Variants in CPNE7 observed in about 807,000 individuals in gnomAD.
CPNE7 encodes copine 7.
In CPNE7, 78 loss-of-function variants were observed where a neutral mutation model predicts 66.5. That is an observed-to-expected ratio of 1.17 (90% CI 0.98 to 1.42). The LOEUF is 1.42. Ranked by LOEUF, CPNE7 falls within the 40% of genes most tolerant of loss-of-function variation. The pLI is 0.00. For missense variants in CPNE7, 1,012 were observed against 776.6 expected, an observed-to-expected ratio of 1.30 and a Z score of -3.60; for synonymous variants, 468 against 336.7, an observed-to-expected ratio of 1.39 and a Z score of -4.27.
chr16:89,587,483 G>A, intron 9 of CPNE7: 1 of 446,312 alleles, frequency 2.2e-6, no homozygotes, highest in South Asian at 1.6e-5. Context: ...TTGGGGTTCA[G>A]GAAGCAGCCC....
intron 2 of CPNE7, among the ~76,000 whole-genome samples, chr16:89,581,316 C>T (rs404121): frequency 6.7e-5 from 10 of 149,602 alleles, no homozygotes; most frequent in East Asian, 2.0e-4. Flanking sequence ...ACCCATCACA[C>T]GGAACATCCC....
At position 89,596,687 on chromosome 16, in the gene CPNE7, C is replaced by T. The variant is rs545333457; in HGVS notation, c.*66C>T. 8.2e-6 allele frequency: 12 copies of T among 1,458,782 alleles called. No individual in the cohort carries two copies. The East Asian group carries it at 2.6e-4, about 31-fold the overall frequency. The allele number at this position is 1,458,782 out of a possible 1,614,324, so 90.4% of individuals were successfully genotyped here. On this transcript the variant is annotated 3_prime_UTR_variant, in exon 15 of 15. Coordinates refer to ENST00000319518, the MANE Select transcript of CPNE7 (RefSeq NM_153636.3). ...CCGTACAGCCTCTGTCTGCAACATGCTTGGGGTCCCTTAAGCTCCCTCCGA... is the reference window on the plus strand; with the variant it reads ...CCGTACAGCCTCTGTCTGCAACATGTTTGGGGTCCCTTAAGCTCCCTCCGA...
At chr16:89,587,013 G>A (rs372772651) in intron 8 of CPNE7, 30 bp from the exon 9 acceptor site, 47 of 1,567,268 alleles carry the variant, frequency 3.0e-5, no homozygotes, top group Non-Finnish European at 3.9e-5. Context: ...GTCCCTGGCG[G>A]GGGTGGACGC....
chr16:89,595,739 T>C (rs1433237036), intron 14 of CPNE7, 136 bp downstream of exon 14: 5 of 815,056 alleles, frequency 6.1e-6, no homozygotes, highest in African/African-American at 3.3e-5. Flanking sequence ...TCCTGGGCTG[T>C]TCCCCCCAGT....
At chr16:89,588,584 C>T (rs1597712630) in intron 9 of CPNE7, 91 bp from the exon 10 acceptor site, 5 of 1,544,452 alleles carry the variant, frequency 3.2e-6, no homozygotes, top group East Asian at 2.3e-5. Flanking sequence ...ACCCTGAGTC[C>T]TGGCCACTCT....
At chr16:89,585,342 G>C (rs1041621650) in intron 5 of CPNE7, 122 bp from the exon 6 acceptor site, 1 of 708,618 alleles carries the variant, frequency 1.4e-6, no homozygotes, top group South Asian at 1.7e-5. Flanking sequence ...CGCTGTCTGG[G>C]GTGATGCAGG....
intron 14 of CPNE7, 174 bp downstream of exon 14, chr16:89,595,777 T>C: frequency 1.4e-6 from 1 of 723,552 alleles, no homozygotes; most frequent in Non-Finnish European, 2.5e-6. Context: ...GCCAGGACTT[T>C]GAGCACCTGA....
rs559921302 is a variant in CPNE7 at position 89,577,652 on chromosome 16, G to T, written c.288G>T (p.Thr96=). 1 of 1,594,542 alleles carries T rather than the reference G, an allele frequency of 6.3e-7. No individual in the cohort carries two copies. The highest frequency in any genetic ancestry group is 8.5e-7 in the Non-Finnish European group (1 of 1,170,682). Reference sequence around the variant, plus strand: ...GGCTGCGCTTTGAGGTGTACGACACGCATGGGCCCAGCGGCTTCAGCTGTC... The same window carrying T: ...GGCTGCGCTTTGAGGTGTACGACACTCATGGGCCCAGCGGCTTCAGCTGTC... The part of the protein sequence containing the change: ...VQRLRFEVYD[T]HGPSGFSCQE... Residue 96 remains threonine (T), a synonymous_variant, in exon 2 of 15, where the codon ACG becomes ACT. Transcript: ENST00000319518.
intron 14 of CPNE7, chr16:89,595,997 G>A (rs144973987): frequency 1.7e-4 from 84 of 488,580 alleles, no homozygotes; most frequent in African/African-American, 1.5e-3. Context: ...CAGCACACAC[G>A]TGAGGTTCTA....
In CPNE7 at chr16:89,595,343, C is replaced by T. The variant is rs201097943; in HGVS notation, c.1303-24C>T. The T allele has an allele frequency of 3.0e-3, 4,668 of 1,541,700 alleles. 9 individuals carry two copies. The highest frequency in any genetic ancestry group is 5.8e-3 in the South Asian group (471 of 81,020). On this transcript the variant is annotated intron_variant, in intron 13 of 14. Coordinates refer to ENST00000319518, the MANE Select transcript of CPNE7 (RefSeq NM_153636.3). ...GTGGGCCATGGCAGGTGTGGTGTTG[C>T]TGATGCCTTTCCTGTGCCCCCAGCA...
At chr16:89,583,854 G>C (rs2058993982) in intron 3 of CPNE7, 83 bp downstream of exon 3, 3 of 1,531,484 alleles carry the variant, frequency 2.0e-6, no homozygotes, top group Admixed American at 3.6e-5. Context: ...ATGGGCAGCA[G>C]CGTGCCGTCC....
intron 13 of CPNE7, among the ~76,000 whole-genome samples, chr16:89,594,976 G>T (rs1398460682): frequency 6.6e-6 from 1 of 152,140 alleles, no homozygotes; most frequent in African/African-American, 2.4e-5. Context: ...TGGCAGCACA[G>T]CGGGCACCCT....
At chr16:89,585,392 C>T in intron 5 of CPNE7, 72 bp from the exon 6 acceptor site, 1 of 1,079,218 alleles carries the variant, frequency 9.3e-7, no homozygotes, top group Non-Finnish European at 1.4e-6. Flanking sequence ...TGCTCTTCCA[C>T]CCAGGTCTCT....
chr16:89,585,899 TGAG>T (rs1184844869), intron 7 of CPNE7, 114 bp downstream of exon 7: 1 of 40,750 alleles, frequency 2.5e-5, no homozygotes, highest in Non-Finnish European at 4.6e-5. Context: ...AAGTGTCAGG[TGAG>T]GAGGTGGGGG....
At position 89,581,001 on chromosome 16, in the gene CPNE7, TGTCACACGGAACATCCCGTCACCC is replaced by T. The variant is rs1567953511; in HGVS notation, c.358-2676_358-2653del. Among the ~76,000 whole-genome samples the T allele has an allele frequency of 4.1e-4, 46 of 110,936 alleles. 1 individual carries two copies. In the South Asian group the frequency reaches 0.013, roughly 33 times the overall value. 72.8% of individuals were successfully genotyped at this position (110,936 alleles called of 152,430 possible). A position where few individuals can be genotyped will look rare whatever the true frequency, so the allele number is the denominator to read the frequency against. ...CCATCACACGGAACATCCCATCACC[TGTCACACGGAACATCCCGTCACCC>T]GTCACACGGAACATCCCGTAACCCA... On this transcript the variant is annotated intron_variant, in intron 2 of 14. Coordinates refer to ENST00000319518, the MANE Select transcript of CPNE7 (RefSeq NM_153636.3).
Position 89,596,599 on chromosome 16 carries a change from C to G in CPNE7, c.1655C>G (p.Ala552Gly), listed in dbSNP as rs2059260690. The G allele has an allele frequency of 1.2e-6, 2 of 1,605,162 alleles. No individual in the cohort carries two copies. Among genetic ancestry groups the G allele is most frequent in the African/African-American group, 2.7e-5 (2 of 74,920 alleles). The part of the protein sequence containing the change: ...PRSLGVPAGE[A>G]SPGCTP ...AGCCTGGGTGTCCCTGCCGGAGAGG[C>G]CAGCCCAGGCTGCACACCGTGAAGA... Residue 552 changes from alanine (A) to glycine (G), a missense_variant, in exon 15 of 15, where the codon GCC (alanine) becomes GGC (glycine). Ala to Gly is a moderately conservative substitution (Grantham distance 60). Coordinates refer to ENST00000319518, the MANE Select transcript of CPNE7 (RefSeq NM_153636.3).
At position 89,575,914 on chromosome 16, in the gene CPNE7, AGCGCGGG is replaced by A. The variant is rs1424318982; in HGVS notation, c.21_27del (p.Gly8ArgfsTer117). On this transcript the variant is annotated frameshift_variant, in exon 1 of 15. Coordinates refer to ENST00000319518, the MANE Select transcript of CPNE7 (RefSeq NM_153636.3). LOFTEE classifies it high-confidence loss of function. Reference sequence around the variant, plus strand: ...GCCGGGAGCATGAGCGCGGGCTCGGAGCGCGGGGCGGCGGCAACCCCCGGGGGTTTGC... The same window carrying A: ...GCCGGGAGCATGAGCGCGGGCTCGGAGCGGCGGCAACCCCCGGGGGTTTGC... 6.4e-6 allele frequency: 8 copies of A among 1,246,230 alleles called. No individual in the cohort carries two copies. The highest frequency in any genetic ancestry group is 8.0e-6 in the Non-Finnish European group (8 of 994,438). The allele number at this position is 1,246,230 out of a possible 1,614,324, so 77.2% of individuals were successfully genotyped here. A position where few individuals can be genotyped will look rare whatever the true frequency, so the allele number is the denominator to read the frequency against.
intron 9 of CPNE7, among the ~76,000 whole-genome samples, 158 bp downstream of exon 9, chr16:89,587,260 AGT>A (rs2151442395): frequency 4.2e-4 from 1 of 2,368 alleles, no homozygotes; most frequent in South Asian, 0.022. Flanking sequence ...CCGCCCCCTC[AGT>A]CTGTGGCCCC....
At position 89,595,476 on chromosome 16, in the gene CPNE7, G is replaced by A. The variant is rs777346318; in HGVS notation, c.1412G>A (p.Gly471Asp). Residue 471 changes from glycine to aspartate, a missense_variant, in exon 14 of 15, where the codon GGC (glycine) becomes GAC (aspartate). Transcript: ENST00000319518. ...SRLPMSIIIV[G>D]VGNADFTDMQ... ...CTGCCCATGTCCATCATCATCGTGG[G>A]CGTGGGCAACGCCGACTTCACCGAC... 3.7e-6 allele frequency: 6 copies of A among 1,612,440 alleles called. No individual in the cohort carries two copies. Among genetic ancestry groups the A allele is most frequent in the Non-Finnish European group, 5.1e-6 (6 of 1,179,842 alleles).
Sources: allele counts gnomAD v4.1 joint callset (sites outside exome capture counted in the v4.1 genomes callset), GRCh38; gene constraint gnomAD v4.1.1; transcripts MANE v1.5; gene names NCBI Gene and HGNC (gene_info 2026-07-23, HGNC 2026-07-21).